Variants in INVS observed in about 807,000 individuals in gnomAD.
INVS encodes inversin.
A neutral mutation model predicts 108.8 loss-of-function variants in INVS; 86 were observed. That is an observed-to-expected ratio of 0.79 (90% CI 0.66 to 0.95). The LOEUF is 0.95. Among genes scored for constraint, INVS ranks in the 40% least tolerant of loss-of-function variants. The pLI is 0.00. For missense variants in INVS, 1,169 were observed against 1,297.4 expected, an observed-to-expected ratio of 0.90 and a Z score of 1.52; for synonymous variants, 455 against 473.5, an observed-to-expected ratio of 0.96 and a Z score of 0.51.
chr9:100,167,851 T>C (rs1399570473), intron 3 of INVS, among the ~76,000 whole-genome samples: 1 of 152,172 alleles, frequency 6.6e-6, no homozygotes, highest in Non-Finnish European at 1.5e-5. Flanking sequence ...TCTTACATGA[T>C]GCATATATTG....
Position 100,187,585 on chromosome 9 carries a change from G to A in INVS, c.274-38477G>A, listed in dbSNP as rs143692153. On this transcript the variant is annotated intron_variant, in intron 3 of 16. Coordinates refer to ENST00000262457, the MANE Select transcript of INVS (RefSeq NM_014425.5). The stretch of plus-strand genomic sequence containing the variant: ...TCTGTCACCCAGGCTGGAGGGCAGT[G>A]GCGTGATCTCAGCTCACCACAACCT... Among the ~76,000 whole-genome samples the A allele has an allele frequency of 2.3e-4, 32 of 141,192 alleles. No homozygotes were observed. In the East Asian group the frequency reaches 5.7e-3, roughly 25 times the overall value. The allele number at this position is 141,192 out of a possible 152,430, so 92.6% of individuals were successfully genotyped here. A position where few individuals can be genotyped will look rare whatever the true frequency, so the allele number is the denominator to read the frequency against.
chr9:100,291,572 C>A (rs1193003640), intron 13 of INVS, among the ~76,000 whole-genome samples: 1 of 152,132 alleles, frequency 6.6e-6, no homozygotes, highest in Non-Finnish European at 1.5e-5. Flanking sequence ...CGTTGTGCAG[C>A]CTGAGTTGAG....
chr9:100,117,173 G>A (rs1827559172), intron 2 of INVS: 2 of 1,160,918 alleles, frequency 1.7e-6, no homozygotes, highest in Non-Finnish European at 2.5e-6. Flanking sequence ...CAGGATGATG[G>A]CCTTACGGAT....
intron 3 of INVS, among the ~76,000 whole-genome samples, chr9:100,185,217 AATG>A (rs1830017265): frequency 7.1e-6 from 1 of 141,242 alleles, no homozygotes; most frequent in African/African-American, 3.1e-5. Context: ...AATATTTTTT[AATG>A]ATTATTATTA....
intron 7 of INVS, 52 bp downstream of exon 7, chr9:100,242,731 A>G (rs771558961): frequency 1.9e-6 from 2 of 1,057,394 alleles, no homozygotes; most frequent in South Asian, 1.3e-5. Context: ...TGTTATTTTT[A>G]TATAATTGTA....
rs1831964109 is a variant in INVS, at chr9:100,244,005, C to A, written c.906+1326C>A. 2.0e-5 allele frequency among the ~76,000 whole-genome samples: 3 copies of A among 152,196 alleles called. No homozygotes were observed. In the South Asian group the frequency reaches 6.2e-4, roughly 32 times the overall value. The stretch of plus-strand genomic sequence containing the variant: ...CAGCCTGGGCGACAGAGCAAGACTT[C>A]ATCTCAAAAATAAATAAATAAATAA... On this transcript the variant is annotated intron_variant, in intron 7 of 16. Transcript: ENST00000262457.
chr9:100,198,984 A>G (rs568859652), intron 3 of INVS, among the ~76,000 whole-genome samples: 8 of 152,220 alleles, frequency 5.3e-5, no homozygotes, highest in Non-Finnish European at 1.2e-4. Flanking sequence ...CAGAGACGTC[A>G]TAGGAGTAAT....
intron 3 of INVS, among the ~76,000 whole-genome samples, chr9:100,183,363 A>G (rs990074089): frequency 1.3e-5 from 2 of 152,238 alleles, no homozygotes; most frequent in African/African-American, 2.4e-5. Context: ...TGCAGACAGT[A>G]AAATAATCGC....
At chr9:100,129,091 G>A (rs1040181063) in intron 3 of INVS, among the ~76,000 whole-genome samples, 8 of 152,064 alleles carry the variant, frequency 5.3e-5, no homozygotes, top group South Asian at 2.1e-4. Flanking sequence ...AGGCTGAGGC[G>A]GAAGGATTGC....
At chr9:100,129,085 T>C (rs1306513560) in intron 3 of INVS, among the ~76,000 whole-genome samples, 1 of 151,914 alleles carries the variant, frequency 6.6e-6, no homozygotes, top group Non-Finnish European at 1.5e-5. Flanking sequence ...CTTGGGAGGC[T>C]GAGGCGGAAG....
intron 3 of INVS, among the ~76,000 whole-genome samples, chr9:100,163,929 G>GCA (rs145059949): frequency 0.17 from 26,403 of 151,994 alleles, 3,359 homozygotes; most frequent in African/African-American, 0.36. Flanking sequence ...AAGTGTTTGA[G>GCA]CACAGAAAAT....
intron 7 of INVS, among the ~76,000 whole-genome samples, chr9:100,243,613 ACC>A (rs1227314223): frequency 6.6e-6 from 1 of 152,102 alleles, no homozygotes; most frequent in Non-Finnish European, 1.5e-5. Flanking sequence ...AGTATGAATG[ACC>A]ATCAAGAACC....
At chr9:100,184,072 G>A (rs1829982833) in intron 3 of INVS, among the ~76,000 whole-genome samples, 1 of 152,016 alleles carries the variant, frequency 6.6e-6, no homozygotes, top group Non-Finnish European at 1.5e-5. Context: ...TAAAGTTATG[G>A]ATATGAACTA....
Position 100,284,440 on chromosome 9 carries a change from G to T in INVS, c.1905G>T (p.Arg635Ser), listed in dbSNP as rs1488950423. 1 of 1,614,166 alleles carries T rather than the reference G, an allele frequency of 6.2e-7. No individual in the cohort carries two copies. Among genetic ancestry groups the T allele is most frequent in the Non-Finnish European group, 8.5e-7 (1 of 1,180,022 alleles). Residue 635 changes from arginine (R) to serine (S), a missense_variant, in exon 13 of 17, where the codon AGG (arginine) becomes AGT (serine). Around this residue, in one of 3 missense-constraint regions of INVS, gnomAD observed 533 missense variants for 536.0 expected, o/e 0.99. Coordinates refer to ENST00000262457, the MANE Select transcript of INVS (RefSeq NM_014425.5). ...CLPSTQDVPS[R>S]QSRAPSKQPP... is the part of the protein sequence containing the mutation. ...CTAGCACCCAGGATGTGCCCAGCAGGCAGAGCCGGGCCCCCAGCAAGCAGC... is the reference window on the plus strand; with the variant it reads ...CTAGCACCCAGGATGTGCCCAGCAGTCAGAGCCGGGCCCCCAGCAAGCAGC...
chr9:100,215,245 G>A (rs555924606), intron 3 of INVS, among the ~76,000 whole-genome samples: 101 of 152,256 alleles, frequency 6.6e-4, no homozygotes, highest in Middle Eastern at 3.4e-3. Context: ...CCTTTTGGCT[G>A]GCTGCCACCC....
chr9:100,284,521 A>G lies in INVS; in HGVS notation c.1986A>G (p.Pro662=), dbSNP rs1176710652. Residue 662 remains proline (P), a synonymous_variant, in exon 13 of 17, where the codon CCA becomes CCG. Transcript: ENST00000262457. ...AGCCAAGAGACAGCAGAGGATCTCC[A>G]GGAGGGTCTCTAGGCGGAGCCCTCC... ...GPEPRDSRGS[P]GGSLGGALQK... The G allele has an allele frequency of 6.2e-7, 1 of 1,614,094 alleles. No homozygotes were observed. Among genetic ancestry groups the G allele is most frequent in the Non-Finnish European group, 8.5e-7 (1 of 1,179,962 alleles).
At chr9:100,242,444 C>A (rs1588115647) in intron 6 of INVS, 126 bp from the exon 7 acceptor site, 2 of 648,196 alleles carry the variant, frequency 3.1e-6, no homozygotes, top group South Asian at 1.7e-5. Context: ...TTGGGGGCTG[C>A]TGTTCAGAAA....
chr9:100,218,075 T>C (rs1442585292), intron 3 of INVS, among the ~76,000 whole-genome samples: 3 of 150,410 alleles, frequency 2.0e-5, no homozygotes, highest in Non-Finnish European at 4.4e-5. Flanking sequence ...TTTGGGTATA[T>C]AATATATTTA....
intron 12 of INVS, among the ~76,000 whole-genome samples, chr9:100,277,704 G>A (rs1361890126): frequency 6.6e-6 from 1 of 152,126 alleles, no homozygotes; most frequent in Non-Finnish European, 1.5e-5. Flanking sequence ...GTAAGTCAAA[G>A]GTCCTAAGAC....
Sources: allele counts gnomAD v4.1 joint callset (sites outside exome capture counted in the v4.1 genomes callset), GRCh38; gene constraint gnomAD v4.1.1; regional missense constraint gnomAD v4.1.1; transcripts MANE v1.5; gene names NCBI Gene and HGNC (gene_info 2026-07-23, HGNC 2026-07-21).